The following ZNF790 variants were observed in gnomAD, a reference collection of about 807,000 sequenced individuals.
ZNF790 encodes the protein zinc finger protein 790.
A neutral mutation model predicts 12.1 loss-of-function variants in ZNF790; 8 were observed. That is an observed-to-expected ratio of 0.66 (90% confidence interval 0.39 to 1.19). ZNF790 has a LOEUF of 1.19. ZNF790 is among the 50% of genes most tolerant of loss of function. The probability of loss-of-function intolerance (pLI) is 0.01; values close to 1 mark genes in which losing one functional copy is unlikely to be tolerated. For missense variants in ZNF790, 707 were observed against 752.2 expected, an observed-to-expected ratio of 0.94 and a Z score of 0.70; for synonymous variants, 252 against 244.3, an observed-to-expected ratio of 1.03 and a Z score of -0.29.
At chr19:36,823,194 A>G in intron 4 of ZNF790, 91 bp downstream of exon 4, 1 of 1,190,380 alleles carries the variant, frequency 8.4e-7, no homozygotes, top group Admixed American at 2.0e-5. Flanking sequence ...GATATTCCAG[A>G]CCAATATTTC....
chr19:36,841,952 G>A (rs967910109), upstream of ZNF790, among the ~76,000 whole-genome samples: 3 of 151,820 alleles, frequency 2.0e-5, no homozygotes, highest in Admixed American at 1.3e-4. Context: ...GGCCTGAAGC[G>A]CCCCTCCCGC....
At chr19:36,833,215 T>G (rs2071976968) in intron 1 of ZNF790, among the ~76,000 whole-genome samples, 1 of 152,228 alleles carries the variant, frequency 6.6e-6, no homozygotes, top group Admixed American at 6.5e-5. Flanking sequence ...CAATCTCGGC[T>G]CACTGCAACT....
chr19:36,845,034 C>T (rs1208068045), intron 1 of ZNF790, among the ~76,000 whole-genome samples: 2 of 99,808 alleles, frequency 2.0e-5, no homozygotes, highest in Non-Finnish European at 3.5e-5. Context: ...GGCGACAGAG[C>T]GAGACTCCGT....
chr19:36,844,220 A>T (rs999836697), intron 1 of ZNF790, among the ~76,000 whole-genome samples: 1 of 151,488 alleles, frequency 6.6e-6, no homozygotes, highest in Non-Finnish European at 1.5e-5. Flanking sequence ...CTGAGGTGGG[A>T]GGATCGTTTG....
upstream of ZNF790, among the ~76,000 whole-genome samples, chr19:36,841,579 C>T (rs2072129571): frequency 6.6e-6 from 1 of 151,810 alleles, no homozygotes; most frequent in African/African-American, 2.4e-5. Flanking sequence ...GAGATGACAC[C>T]ACTGCACTCC....
rs763094148 is a variant in ZNF790 at position 36,823,335 on chromosome 19, C to T, written c.179G>A (p.Gly60Glu). The stretch of plus-strand genomic sequence containing the variant: ...CCTCAAAATCTTCCAGGGCTCTTTC[C>T]CTTTCTCCAATAAAGAGAACGCTTC... ...QPEAFSLLEK[G>E]KEPWKILRDE... The change falls in exon 4 of 5, where the codon GGG becomes GAG. Residue 60 changes from glycine (G) to glutamate (E), a missense_variant. Physicochemically the swap from Gly to Glu is moderately conservative, Grantham distance 98 (BLOSUM62 -2). Transcript: ENST00000356725. 2.5e-6 allele frequency: 4 copies of T among 1,614,140 alleles called. No individual in the cohort carries two copies. Among genetic ancestry groups the T allele is most frequent in the Non-Finnish European group, 3.4e-6 (4 of 1,180,032 alleles).
chr19:36,829,699 C>T (rs1227996649), intron 1 of ZNF790, among the ~76,000 whole-genome samples: 1 of 152,178 alleles, frequency 6.6e-6, no homozygotes, highest in Non-Finnish European at 1.5e-5. Context: ...TCCCGAGTAG[C>T]TGGGATTACA....
In ZNF790 at chr19:36,823,660, A is replaced by C. The variant is rs771886516; in HGVS notation, c.133+7T>G. On this transcript the variant is annotated splice_region_variant and intron_variant, in intron 3 of 4. Coordinates refer to ENST00000356725, the MANE Select transcript of ZNF790 (RefSeq NM_206894.4). ...CAGGAATTTCTAAGGAAAATGCTGAATCTTACCCAGTGAGACCATGTTGCT... is the reference window on the plus strand; with the variant it reads ...CAGGAATTTCTAAGGAAAATGCTGACTCTTACCCAGTGAGACCATGTTGCT... The C allele has an allele frequency of 6.2e-7, 1 of 1,601,444 alleles. No individual in the cohort carries two copies. Among genetic ancestry groups the C allele is most frequent in the East Asian group, 2.2e-5 (1 of 44,852 alleles).
Position 36,819,325 on chromosome 19 carries a change from C to G in ZNF790, c.1019G>C (p.Cys340Ser), listed in dbSNP as rs375770964. ...AGTAAAAGCTTTCCCACACTCCTTA[C>G]ATTCATAAGGTTTTTCACCAGTGTG... ...RIHTGEKPYECKECGKAFTRG... is the reference protein window; with the variant it reads ...RIHTGEKPYESKECGKAFTRG... The change falls in exon 5 of 5, where the codon TGT (cysteine) becomes TCT (serine). Residue 340 changes from cysteine (C) to serine (S), a missense_variant. Cys to Ser is a moderately radical substitution (Grantham distance 112). Coordinates refer to ENST00000356725, the MANE Select transcript of ZNF790 (RefSeq NM_206894.4). The G allele has an allele frequency of 5.0e-6, 8 of 1,611,620 alleles. No homozygotes were observed. In the African/African-American group the frequency reaches 1.1e-4, roughly 22 times the overall value.
Position 36,848,441 on chromosome 19 carries a change from T to A in ZNF790, c.-74+1561A>T, listed in dbSNP as rs944119210. ...CCCACAGGCGTTTTCTTTTTTCTGT[T>A]TTTTAGGAGACATTGGTGGGGTAAA... is the stretch of plus-strand genomic sequence containing the variant. On this transcript the variant is annotated intron_variant, in intron 1 of 4. Coordinates refer to the ZNF790 transcript ENST00000528994. 3.9e-5 allele frequency among the ~76,000 whole-genome samples: 6 copies of A among 152,270 alleles called. No individual in the cohort carries two copies. In the South Asian group the frequency reaches 1.2e-3, roughly 32 times the overall value.
rs35706444 is a variant in ZNF790 at position 36,819,984 on chromosome 19, G to A, written c.360C>T (p.Asp120=). ...HSLDCLCFRG[D]WEGNTQFQTL... is the part of the protein sequence containing the mutation. ...TTTGAAACTGAGTGTTGCCTTCCCAGTCACCTCTAAAACATAAACAGTCAA... is the reference window on the plus strand; with the variant it reads ...TTTGAAACTGAGTGTTGCCTTCCCAATCACCTCTAAAACATAAACAGTCAA... The change falls in exon 5 of 5, where the codon GAC becomes GAT. Residue 120 remains aspartate, a synonymous_variant. Coordinates refer to ENST00000356725, the MANE Select transcript of ZNF790 (RefSeq NM_206894.4). The A allele has an allele frequency of 3.5e-3, 5,590 of 1,613,964 alleles. 211 individuals are homozygous for A. The Admixed American group carries it at 0.067, about 19-fold the overall frequency.
Position 36,818,586 on chromosome 19 carries a change from T to G in ZNF790, c.1758A>C (p.Ala586=). The change falls in exon 5 of 5, where the codon GCA becomes GCC. Residue 586 remains alanine (A), a synonymous_variant. Transcript: ENST00000356725. The part of the protein sequence containing the change: ...YFTEQKIHNS[A]NLCEWTDYGN... The stretch of plus-strand genomic sequence containing the variant: ...CATAGTCTGTCCATTCACAGAGATT[T>G]GCACTATTATGAATTTTTTGTTCAG... 1.2e-6 allele frequency: 2 copies of G among 1,610,894 alleles called. No homozygotes were observed. The highest frequency in any genetic ancestry group is 1.7e-6 in the Non-Finnish European group (2 of 1,177,472).
Position 36,817,462 on chromosome 19 carries a change from A to T in ZNF790, c.*971T>A, listed in dbSNP as rs2071575773. 1 of 152,084 alleles carries T rather than the reference A, an allele frequency of 6.6e-6. No homozygotes were observed. The highest frequency in any genetic ancestry group is 1.5e-5 in the Non-Finnish European group (1 of 68,002). 9.4% of individuals were successfully genotyped at this position (152,084 alleles called of 1,614,324 possible). On this transcript the variant is annotated 3_prime_UTR_variant, in exon 5 of 5. Transcript: ENST00000356725. ...TGTATTTTACTGATTTTTTTTCAGA[A>T]TTAACATTCTGATGTTCAGTAAGAC...
In ZNF790 at chr19:36,823,285, C is replaced by T. The variant is rs768277727; in HGVS notation, c.229G>A (p.Asp77Asn). Residue 77 changes from aspartate (D) to asparagine (N), a missense_variant and splice_region_variant, in exon 4 of 5, where the codon GAC becomes AAC. Transcript: ENST00000356725. ...TTGTGCGTGTTCAGCCCTCACTCAC[C>T]TGGGCAAGGTCCTCTTGTCTCATCC... ...LRDETRGPCP[D>N]MQSRCQTKKL... 22 of 1,613,792 alleles carry T rather than the reference C, an allele frequency of 1.4e-5. No homozygotes were observed. The highest frequency in any genetic ancestry group is 1.8e-5 in the Non-Finnish European group (21 of 1,179,816).
At chr19:36,830,244 A>T (rs958328580) in intron 1 of ZNF790, among the ~76,000 whole-genome samples, 1 of 152,216 alleles carries the variant, frequency 6.6e-6, no homozygotes, top group African/African-American at 2.4e-5. Flanking sequence ...AAAAAAAATC[A>T]TAAAGGGTAT....
intron 1 of ZNF790, among the ~76,000 whole-genome samples, chr19:36,847,750 A>C (rs1209524028): frequency 9.3e-5 from 7 of 74,958 alleles, no homozygotes; most frequent in Non-Finnish European, 2.1e-4. Flanking sequence ...ACTCTGTCTC[A>C]AAAAAAAAAA....
chr19:36,829,114 T>TA (rs1234125747), intron 1 of ZNF790, among the ~76,000 whole-genome samples: 1 of 152,098 alleles, frequency 6.6e-6, no homozygotes, highest in South Asian at 2.1e-4. Flanking sequence ...ATTTTTTTTT[T>TA]AAAGCTTTAT....
At chr19:36,821,577 A>T (rs1054378085) in intron 4 of ZNF790, among the ~76,000 whole-genome samples, 1 of 151,678 alleles carries the variant, frequency 6.6e-6, no homozygotes, top group Non-Finnish European at 1.5e-5. Context: ...TTGTCTTTTT[A>T]TTTATTTATT....
In ZNF790 at chr19:36,818,279, TCTG is replaced by T. The variant is rs10564276; in HGVS notation, c.*151_*153del. The T allele has an allele frequency of 0.9, 445,512 of 495,910 alleles. 200,234 individuals carry two copies. The highest frequency in any genetic ancestry group is 0.93 in the Non-Finnish European group (273,417 of 292,850). 30.7% of individuals were successfully genotyped at this position (495,910 alleles called of 1,614,324 possible). A position where few individuals can be genotyped will look rare whatever the true frequency, so the allele number is the denominator to read the frequency against. Reference sequence around the variant, plus strand: ...CCTATATTGATTGCATGATGAATTCTCTGCTGCTGCTGCTGCTGCTGCTGCTGG... The same window carrying T: ...CCTATATTGATTGCATGATGAATTCTCTGCTGCTGCTGCTGCTGCTGCTGG... On this transcript the variant is annotated 3_prime_UTR_variant, in exon 5 of 5. Coordinates refer to ENST00000356725, the MANE Select transcript of ZNF790 (RefSeq NM_206894.4).
Sources: gnomAD v4.1 joint callset for allele counts (sites outside exome capture counted in the v4.1 genomes callset) on GRCh38, gnomAD v4.1.1 for gene constraint, MANE v1.5 for transcripts, NCBI Gene and HGNC (gene_info 2026-07-23, HGNC 2026-07-21) for gene names.